Variants in AGMO observed in about 807,000 individuals in gnomAD.
AGMO encodes the protein alkylglycerol monooxygenase, also known as glyceryl-ether monooxygenase.
In AGMO, 75 loss-of-function variants were observed where a neutral mutation model predicts 60.2. That is an observed-to-expected ratio of 1.25 (90% CI 1.03 to 1.51). The LOEUF (loss-of-function observed/expected upper bound fraction) is 1.51, where lower values mean the gene tolerates loss of function less well. AGMO is among the 40% of genes most tolerant of loss of function. AGMO has a pLI of 0.00. For missense variants in AGMO, 763 were observed against 525.5 expected, an observed-to-expected ratio of 1.45 and a Z score of -4.42; for synonymous variants, 261 against 177.1, an observed-to-expected ratio of 1.47 and a Z score of -3.76.
intron 12 of AGMO, among the ~76,000 whole-genome samples, chr7:15,272,574 G>C (rs1347888427): frequency 1.3e-5 from 2 of 152,016 alleles, no homozygotes; most frequent in South Asian, 2.1e-4. Context: ...ATTGTGAATA[G>C]TGCCACAATA....
chr7:15,481,358 G>A (rs1398312837), intron 3 of AGMO, among the ~76,000 whole-genome samples: 1 of 152,064 alleles, frequency 6.6e-6, no homozygotes, highest in Non-Finnish European at 1.5e-5. Context: ...TTACCAGGCA[G>A]TCCGTGAATC....
At chr7:15,544,325 A>T (rs979246834) in intron 3 of AGMO, among the ~76,000 whole-genome samples, 1 of 152,126 alleles carries the variant, frequency 6.6e-6, no homozygotes, top group Non-Finnish European at 1.5e-5. Context: ...TGAAGAACTT[A>T]TTCATGTAAC....
chr7:15,389,221 C>A (rs1784042597), intron 8 of AGMO, among the ~76,000 whole-genome samples: 1 of 152,100 alleles, frequency 6.6e-6, no homozygotes, highest in African/African-American at 2.4e-5. Context: ...AACTACTGAA[C>A]AGAATCTGCA....
chr7:15,418,166 CAA>C (rs902009406), intron 5 of AGMO, among the ~76,000 whole-genome samples: 5 of 151,686 alleles, frequency 3.3e-5, no homozygotes, highest in Admixed American at 1.3e-4. Context: ...AAGGGTGTTT[CAA>C]AGAGTTTCAA....
rs1781223152 is a variant in AGMO at position 15,431,026 on chromosome 7, G to A, written c.492C>T (p.Val164=). The change falls in exon 4 of 13, where the codon GTC becomes GTT. Residue 164 remains valine, a synonymous_variant. Coordinates refer to ENST00000342526, the MANE Select transcript of AGMO (RefSeq NM_001004320.2). ...YNLSTALRQS[V]LQIYTSWIFY... ...TTACCCAGGAAGTATATATCTGGAG[G>A]ACAGACTGTCTCAGTGCTGTGGATA... 6.2e-6 allele frequency: 10 copies of A among 1,602,970 alleles called. No homozygotes were observed. The highest frequency in any genetic ancestry group is 7.7e-6 in the Non-Finnish European group (9 of 1,172,508).
chr7:15,131,550 T>C, the AGMO span, among the ~76,000 whole-genome samples: 8 of 152,122 alleles, frequency 5.3e-5, no homozygotes, highest in East Asian at 1.5e-3. Flanking sequence ...GGATGAAGAT[T>C]ACATAAATTG....
chr7:15,377,423 C>T (rs1783498488), intron 10 of AGMO, among the ~76,000 whole-genome samples: 2 of 151,844 alleles, frequency 1.3e-5, no homozygotes, highest in African/African-American at 4.8e-5. Flanking sequence ...GAAAACCATG[C>T]TGTAAGTCAC....
chr7:15,389,218 G>C (rs1784042418), intron 8 of AGMO, among the ~76,000 whole-genome samples: 1 of 152,090 alleles, frequency 6.6e-6, no homozygotes, highest in Admixed American at 6.5e-5. Context: ...CAGAACTACT[G>C]AACAGAATCT....
chr7:15,124,537 A>C, the AGMO span, among the ~76,000 whole-genome samples: 1 of 152,102 alleles, frequency 6.6e-6, no homozygotes, highest in African/African-American at 2.4e-5. Flanking sequence ...TCTCCTGCTT[A>C]AATTTGCTGA....
chr7:15,227,071 C>T (rs1348651746), intron 12 of AGMO, among the ~76,000 whole-genome samples: 1 of 152,030 alleles, frequency 6.6e-6, no homozygotes, highest in Admixed American at 6.6e-5. Flanking sequence ...TTTCCTAGAA[C>T]CAGCTTACCT....
chr7:15,180,081 G>A, the AGMO span, among the ~76,000 whole-genome samples: 1 of 152,064 alleles, frequency 6.6e-6, no homozygotes, highest in Non-Finnish European at 1.5e-5. Flanking sequence ...AATGCCTTTG[G>A]GGTCTTTATT....
the AGMO span, among the ~76,000 whole-genome samples, chr7:15,121,708 T>C: frequency 1.6e-3 from 249 of 152,204 alleles, 1 homozygote; most frequent in African/African-American, 5.8e-3. Context: ...CAAAACAGCA[T>C]GACACTGGTA....
chr7:15,245,109 T>G (rs1321970670), intron 12 of AGMO, among the ~76,000 whole-genome samples: 3 of 152,210 alleles, frequency 2.0e-5, no homozygotes, highest in Non-Finnish European at 4.4e-5. Context: ...TAAGAATGTA[T>G]TCCAGATCAC....
intron 2 of AGMO, among the ~76,000 whole-genome samples, chr7:15,555,611 T>C (rs75618390): frequency 0.028 from 4,309 of 152,030 alleles, 225 homozygotes; most frequent in African/African-American, 0.099. Context: ...AATTTCTTCT[T>C]AACAGCAACC....
Position 15,501,465 on chromosome 7 carries a change from A to C in AGMO, c.409+43307T>G, listed in dbSNP as rs376536049. 4.8e-4 allele frequency among the ~76,000 whole-genome samples: 73 copies of C among 152,034 alleles called. 1 individual carries two copies. The highest frequency in any genetic ancestry group is 1.7e-3 in the African/African-American group (70 of 41,490). On this transcript the variant is annotated intron_variant, in intron 3 of 12. Coordinates refer to ENST00000342526, the MANE Select transcript of AGMO (RefSeq NM_001004320.2). Reference sequence around the variant, plus strand: ...TGGTATTCTCTCCACTTTTGTGTATATTTGGAAATTTTTATTAAAAAAAAA... The same window carrying C: ...TGGTATTCTCTCCACTTTTGTGTATCTTTGGAAATTTTTATTAAAAAAAAA...
At chr7:15,276,324 A>G (rs189679957) in intron 12 of AGMO, among the ~76,000 whole-genome samples, 1 of 145,610 alleles carries the variant, frequency 6.9e-6, no homozygotes, top group East Asian at 2.0e-4. Flanking sequence ...ATCGACTGGC[A>G]TTTTTTTTTT....
At chr7:15,383,969 T>C (rs1167701928) in intron 10 of AGMO, among the ~76,000 whole-genome samples, 2 of 152,090 alleles carry the variant, frequency 1.3e-5, no homozygotes, top group Non-Finnish European at 2.9e-5. Context: ...TGAGTCTCGC[T>C]CTGTCCCCCA....
chr7:15,188,114 T>C, the AGMO span, among the ~76,000 whole-genome samples: 1 of 152,148 alleles, frequency 6.6e-6, no homozygotes, highest in African/African-American at 2.4e-5. Context: ...TTGGGTAGAC[T>C]GGTATGGGTC....
At chr7:15,420,694 G>T (rs1323498851) in intron 4 of AGMO, among the ~76,000 whole-genome samples, 1 of 152,026 alleles carries the variant, frequency 6.6e-6, no homozygotes, top group African/African-American at 2.4e-5. Context: ...CAATTTAAAG[G>T]CCACTTCCAT....
Sources: gnomAD v4.1 joint callset for allele counts (sites outside exome capture counted in the v4.1 genomes callset) on GRCh38, gnomAD v4.1.1 for gene constraint, MANE v1.5 for transcripts, NCBI Gene and HGNC (gene_info 2026-07-23, HGNC 2026-07-21) for gene names.